Variants in JARID2 observed in about 807,000 individuals in gnomAD.
The protein encoded by JARID2 is protein Jumonji.
In JARID2, 21 loss-of-function variants were observed where a neutral mutation model predicts 125.6. The ratio of observed to expected loss-of-function variants is 0.17; its 90% CI spans 0.12 to 0.24. The LOEUF (loss-of-function observed/expected upper bound fraction) is 0.24, where lower values mean the gene tolerates loss of function less well. Ranked by LOEUF, JARID2 falls within the 10% of genes least tolerant of loss-of-function variation. The pLI is 1.00. For synonymous variants in JARID2, 736 were observed against 661.6 expected, an observed-to-expected ratio of 1.11 and a Z score of -1.73; for missense variants, 1,303 against 1,639.6, an observed-to-expected ratio of 0.79 and a Z score of 3.55.
At chr6:15,259,847 C>T (rs1191605992) in intron 1 of JARID2, among the ~76,000 whole-genome samples, 1 of 152,094 alleles carries the variant, frequency 6.6e-6, no homozygotes, top group African/African-American at 2.4e-5. Flanking sequence ...GCTGTCATTC[C>T]AGGAGCAAAT....
chr6:15,408,075 G>T, intron 2 of JARID2, among the ~76,000 whole-genome samples: 1 of 151,974 alleles, frequency 6.6e-6, no homozygotes, highest in East Asian at 1.9e-4. Context: ...ATCAGCCTGG[G>T]CAACATGGCG....
intron 1 of JARID2, among the ~76,000 whole-genome samples, chr6:15,358,521 C>A (rs1425030346): frequency 2.0e-5 from 3 of 152,160 alleles, no homozygotes; most frequent in Non-Finnish European, 2.9e-5. Flanking sequence ...GTTGGGGCAA[C>A]CGAAGCTTTG....
chr6:15,409,198 A>G lies in JARID2; in HGVS notation c.182-1026A>G, dbSNP rs145374427. ...CAGAAGTCACTTTCTGAGATACTTC[A>G]GTCACAAAGACTTAATACAGAGAAA... On this transcript the variant is annotated intron_variant, in intron 2 of 17. Transcript: ENST00000341776. Among the ~76,000 whole-genome samples, 601 of 152,344 alleles carry G rather than the reference A, an allele frequency of 3.9e-3. 4 individuals carry two copies. The highest frequency in any genetic ancestry group is 0.024 in the Middle Eastern group (7 of 294).
chr6:15,332,631 A>G (rs1447767980), intron 1 of JARID2, among the ~76,000 whole-genome samples: 1 of 152,180 alleles, frequency 6.6e-6, no homozygotes, highest in Non-Finnish European at 1.5e-5. Context: ...GGTGGGCGCT[A>G]CTTGTGTAAG....
At chr6:15,254,708 A>G (rs1759588544) in intron 1 of JARID2, among the ~76,000 whole-genome samples, 1 of 152,154 alleles carries the variant, frequency 6.6e-6, no homozygotes, top group Non-Finnish European at 1.5e-5. Flanking sequence ...TATCAACAGC[A>G]GTGTTTATTT....
chr6:15,423,314 G>C (rs1312499796), intron 3 of JARID2, among the ~76,000 whole-genome samples: 1 of 152,074 alleles, frequency 6.6e-6, no homozygotes, highest in Non-Finnish European at 1.5e-5. Flanking sequence ...CCAGTCATCT[G>C]TCATTGGAAA....
In JARID2 at chr6:15,487,464, G is replaced by A. The variant is rs138440352; in HGVS notation, c.828G>A (p.Thr276=). 7.4e-6 allele frequency: 12 copies of A among 1,614,194 alleles called. No individual in the cohort carries two copies. Among genetic ancestry groups the A allele is most frequent in the Admixed American group, 1.7e-5 (1 of 60,030 alleles). Residue 276 remains threonine (T), a synonymous_variant, in exon 6 of 18, where the codon ACG becomes ACA. Transcript: ENST00000341776. ...SANHPAAAPS[T]GSSAKGLAAT... is the part of the protein sequence containing the mutation. ...ACCACCCCGCAGCGGCCCCCTCCAC[G>A]GGTTCCTCGGCCAAGGGGCTTGCTG...
intron 1 of JARID2, among the ~76,000 whole-genome samples, chr6:15,270,005 A>G (rs1760235510): frequency 6.6e-6 from 1 of 152,216 alleles, no homozygotes; most frequent in Admixed American, 6.5e-5. Context: ...GAATATTAAC[A>G]CAAGGGTTGT....
At chr6:15,513,446 C>G (rs201065246) in intron 16 of JARID2, 24 bp downstream of exon 16, 27 of 1,551,294 alleles carry the variant, frequency 1.7e-5, no homozygotes, top group Non-Finnish European at 2.6e-6. Context: ...GCCCTGCCGG[C>G]GCCCTCGCAT....
At chr6:15,436,812 AT>A (rs137973226) in intron 3 of JARID2, among the ~76,000 whole-genome samples, 4,736 of 149,116 alleles carry the variant, frequency 0.032, 237 homozygotes, top group African/African-American at 0.11. Flanking sequence ...TTTTCTTGTG[AT>A]TTTTTTTTTC....
intron 5 of JARID2, among the ~76,000 whole-genome samples, chr6:15,469,316 C>G (rs13215568): frequency 9.6e-5 from 11 of 114,562 alleles, no homozygotes; most frequent in South Asian, 3.6e-4. Flanking sequence ...CTCTCTCTCT[C>G]TGTCTCTCTC....
At chr6:15,358,508 T>A (rs1257882462) in intron 1 of JARID2, among the ~76,000 whole-genome samples, 1 of 152,228 alleles carries the variant, frequency 6.6e-6, no homozygotes, top group East Asian at 1.9e-4. Flanking sequence ...TTTTCATCAT[T>A]GAGTTGGGGC....
intron 5 of JARID2, among the ~76,000 whole-genome samples, chr6:15,484,420 T>A (rs1343943464): frequency 6.6e-6 from 1 of 152,198 alleles, no homozygotes; most frequent in Non-Finnish European, 1.5e-5. Flanking sequence ...GACCAGTGTT[T>A]GTCTGCATTG....
intron 5 of JARID2, among the ~76,000 whole-genome samples, chr6:15,469,462 T>C (rs1458298702): frequency 7.0e-6 from 1 of 143,172 alleles, no homozygotes; most frequent in Non-Finnish European, 1.5e-5. Context: ...TGACGGAGTC[T>C]CGCTCTGTCG....
intron 2 of JARID2, among the ~76,000 whole-genome samples, chr6:15,404,891 T>C (rs559028578): frequency 1.3e-5 from 2 of 152,328 alleles, no homozygotes; most frequent in Admixed American, 1.3e-4. Context: ...AGTTTTCTAT[T>C]GTCATGTATG....
intron 17 of JARID2, 50 bp downstream of exon 17, chr6:15,517,318 C>A: frequency 7.7e-7 from 1 of 1,294,898 alleles, no homozygotes; most frequent in South Asian, 1.2e-5. Flanking sequence ...GGCGCCTTCC[C>A]TGCTCCCGGC....
At chr6:15,275,520 T>TCCCCCC (rs1404832599) in intron 1 of JARID2, among the ~76,000 whole-genome samples, 2 of 21,212 alleles carry the variant, frequency 9.4e-5, no homozygotes, top group South Asian at 3.6e-3. Flanking sequence ...AAAGTCCATT[T>TCCCCCC]ACCGCCCCCC....
intron 3 of JARID2, among the ~76,000 whole-genome samples, chr6:15,423,675 C>T (rs980684224): frequency 6.6e-6 from 1 of 152,196 alleles, no homozygotes; most frequent in Admixed American, 6.5e-5. Context: ...GTATGCTTGA[C>T]CTCACCCTGG....
At chr6:15,247,399 G>C in intron 1 of JARID2, 1 of 968,048 alleles carries the variant, frequency 1.0e-6, no homozygotes, top group Non-Finnish European at 1.2e-6. Flanking sequence ...GGCATGGGGA[G>C]TGTTTTTGTT....
Sources: gnomAD v4.1 joint callset for allele counts (sites outside exome capture counted in the v4.1 genomes callset) on GRCh38, gnomAD v4.1.1 for gene constraint, MANE v1.5 for transcripts, NCBI Gene and HGNC (gene_info 2026-07-23, HGNC 2026-07-21) for gene names.